The following GLIS3 variants were observed in gnomAD, a reference collection of about 807,000 sequenced individuals.
The protein encoded by GLIS3 is zinc finger protein GLIS3.
In GLIS3, 53 loss-of-function variants were observed where a neutral mutation model predicts 78.6. The ratio of observed to expected loss-of-function variants is 0.67; its 90% CI spans 0.54 to 0.85. GLIS3 has a LOEUF of 0.85. GLIS3 is among the 40% of genes least tolerant of loss of function. GLIS3 has a pLI of 0.00. For synonymous variants in GLIS3, 684 were observed against 509.9 expected (o/e 1.34, Z -4.60); for missense variants, 1,703 against 1,231.1 (o/e 1.38, Z -5.74).
chr9:4,451,403 G>A, the GLIS3 span, among the ~76,000 whole-genome samples: 11 of 152,100 alleles, frequency 7.2e-5, no homozygotes, highest in South Asian at 2.1e-4. Context: ...AATAATGGGG[G>A]TATTTAACAC....
chr9:3,935,261 A>C (rs1825826615), intron 5 of GLIS3, among the ~76,000 whole-genome samples: 1 of 152,176 alleles, frequency 6.6e-6, no homozygotes, highest in African/African-American at 2.4e-5. Flanking sequence ...TGTTAAATGC[A>C]GTAAAAAATT....
the GLIS3 span, among the ~76,000 whole-genome samples, chr9:4,401,405 T>A: frequency 0.016 from 2,474 of 151,406 alleles, 74 homozygotes; most frequent in African/African-American, 0.057. Flanking sequence ...GGTTACAGGC[T>A]TAAGCCACCA....
intron 2 of GLIS3, among the ~76,000 whole-genome samples, chr9:4,345,504 T>C (rs998553024): frequency 2.6e-5 from 4 of 152,218 alleles, no homozygotes; most frequent in African/African-American, 9.7e-5. Flanking sequence ...AATAAGTATT[T>C]TTAAATGTAT....
intron 2 of GLIS3, among the ~76,000 whole-genome samples, chr9:4,319,977 AG>A (rs1563931479): frequency 2.8e-5 from 4 of 145,026 alleles, no homozygotes; most frequent in Admixed American, 7.0e-5. Context: ...AGGTTAGTAG[AG>A]GGGGTTGTGT....
chr9:4,477,442 T>C, the GLIS3 span, among the ~76,000 whole-genome samples: 12 of 151,222 alleles, frequency 7.9e-5, no homozygotes, highest in Admixed American at 7.9e-4. Context: ...GAGATAGGGG[T>C]CTCTCTTTGT....
chr9:4,175,133 C>T (rs750612797), intron 2 of GLIS3, among the ~76,000 whole-genome samples: 1 of 152,182 alleles, frequency 6.6e-6, no homozygotes, highest in African/African-American at 2.4e-5. Context: ...TCTGAATGGT[C>T]TCTCTACATC....
At chr9:4,341,192 C>G (rs1732916090) in intron 2 of GLIS3, among the ~76,000 whole-genome samples, 1 of 152,230 alleles carries the variant, frequency 6.6e-6, no homozygotes, top group Admixed American at 6.5e-5. Flanking sequence ...CTCTCTAGGA[C>G]AAAACAAGAC....
chr9:4,229,174 C>G (rs572288199), intron 2 of GLIS3, among the ~76,000 whole-genome samples: 10 of 152,300 alleles, frequency 6.6e-5, no homozygotes, highest in Admixed American at 5.9e-4. Flanking sequence ...CATGAGGGAA[C>G]AGCAACATTG....
At chr9:3,835,752 GTTAC>G (rs1327906982) in intron 9 of GLIS3, among the ~76,000 whole-genome samples, 1 of 152,170 alleles carries the variant, frequency 6.6e-6, no homozygotes, top group Non-Finnish European at 1.5e-5. Context: ...CCCTATAACT[GTTAC>G]TTTTACTTTT....
chr9:4,202,667 A>G (rs10974389), intron 2 of GLIS3, among the ~76,000 whole-genome samples: 18,792 of 152,074 alleles, frequency 0.12, 1,462 homozygotes, highest in African/African-American at 0.22. Context: ...TAAAATCTCA[A>G]ACCTGTAACC....
At chr9:4,093,723 G>C (rs1291264412) in intron 4 of GLIS3, among the ~76,000 whole-genome samples, 3 of 152,160 alleles carry the variant, frequency 2.0e-5, no homozygotes, top group African/African-American at 7.2e-5. Context: ...TTTGATTTGT[G>C]TATCTGCAAC....
chr9:3,918,199 C>A (rs1201750906), intron 6 of GLIS3, among the ~76,000 whole-genome samples: 1 of 152,232 alleles, frequency 6.6e-6, no homozygotes, highest in Non-Finnish European at 1.5e-5. Flanking sequence ...TCAGGACTAT[C>A]CTGAATATTT....
Position 3,932,383 on chromosome 9 carries a change from T to C in GLIS3, c.1960A>G (p.Lys654Glu). The C allele has an allele frequency of 6.2e-7, 1 of 1,613,360 alleles. No homozygotes were observed. ...LRKHVKAHSS[K>E]EQQARKKLRS... is the part of the protein sequence containing the mutation. The stretch of plus-strand genomic sequence containing the variant: ...ACCTTTTTCCTTGCTTGTTGCTCTT[T>C]GGAAGAATGTGCCTTCACATGCTTT... Residue 654 changes from lysine (K) to glutamate (E), a missense_variant, in exon 6 of 11, where the codon AAA (lysine) becomes GAA (glutamate). Coordinates refer to ENST00000381971, the MANE Select transcript of GLIS3 (RefSeq NM_001042413.2).
rs535758643 is a variant in GLIS3, at chr9:4,206,985, AT to A, written c.388+79052del. 4.2e-3 allele frequency among the ~76,000 whole-genome samples: 646 copies of A among 152,304 alleles called. 4 individuals are homozygous for A. Among genetic ancestry groups the A allele is most frequent in the Non-Finnish European group, 7.4e-3 (503 of 68,022 alleles). On this transcript the variant is annotated intron_variant, in intron 2 of 10. Transcript: ENST00000381971. Reference sequence around the variant, plus strand: ...ATTCGTACTCACTGACGCCAAATACATATTTTGTAGAGCCAGAGGGGATGGA... The same window carrying A: ...ATTCGTACTCACTGACGCCAAATACAATTTTGTAGAGCCAGAGGGGATGGA...
At chr9:4,307,309 G>T (rs924526750) in intron 4 of GLIS3, among the ~76,000 whole-genome samples, 2 of 152,126 alleles carry the variant, frequency 1.3e-5, no homozygotes, top group African/African-American at 2.4e-5. Context: ...CATAATTTAT[G>T]TAAAATTTAA....
chr9:4,358,824 C>T, the GLIS3 span, among the ~76,000 whole-genome samples: 1 of 152,156 alleles, frequency 6.6e-6, no homozygotes, highest in East Asian at 1.9e-4. Flanking sequence ...TGTAAAAGGT[C>T]CCTGTAAGAT....
At chr9:3,899,524 GA>G (rs138646196) in intron 6 of GLIS3, among the ~76,000 whole-genome samples, 1,650 of 145,234 alleles carry the variant, frequency 0.011, 32 homozygotes, top group African/African-American at 0.036. Flanking sequence ...AATTGAAATG[GA>G]AAAAAAAAAC....
chr9:4,340,738 C>G (rs954514846), intron 2 of GLIS3, among the ~76,000 whole-genome samples: 2 of 152,136 alleles, frequency 1.3e-5, no homozygotes, highest in East Asian at 1.9e-4. Flanking sequence ...ACCCATCACC[C>G]AGGCTGGAGT....
chr9:4,012,416 T>C (rs769093307), intron 4 of GLIS3, among the ~76,000 whole-genome samples: 8 of 152,164 alleles, frequency 5.3e-5, no homozygotes, highest in African/African-American at 1.4e-4. Context: ...TGTCTTTTTT[T>C]ACCTGTATCA....
Sources: allele counts gnomAD v4.1 joint callset (sites outside exome capture counted in the v4.1 genomes callset), GRCh38; gene constraint gnomAD v4.1.1; transcripts MANE v1.5; gene names NCBI Gene and HGNC (gene_info 2026-07-23, HGNC 2026-07-21).